OR8B2: variants seen among roughly 807,000 people sequenced by gnomAD.
OR8B2 encodes olfactory receptor family 8 subfamily B member 2.
For synonymous variants in OR8B2, 98 were observed against 138.2 expected (o/e 0.71, Z 2.04); for missense variants, 304 against 379.6 (o/e 0.80, Z 1.65).
In OR8B2 at chr11:124,383,037, A is replaced by G. The variant is rs745308919; in HGVS notation, c.307T>C (p.Phe103Leu). The change falls in exon 2 of 2, where the codon TTC (phenylalanine) becomes CTC (leucine). Residue 103 changes from phenylalanine (F) to leucine (L), a missense_variant. By Grantham distance (22) the Phe-to-Leu change is conservative. Coordinates refer to ENST00000641451, the MANE Select transcript of OR8B2 (RefSeq NM_001005468.2). ...TCAGAGATGACGAAAAAGAGAAAGA[A>G]AAACAGCCGAGTCATGCACCCAACA... is the stretch of plus-strand genomic sequence containing the variant. The part of the protein sequence containing the change: ...SNVGCMTRLF[F>L]FLFFVISECY... 2 of 1,613,920 alleles carry G rather than the reference A, an allele frequency of 1.2e-6. No homozygotes were observed. Among genetic ancestry groups the G allele is most frequent in the Admixed American group, 3.3e-5 (2 of 59,942 alleles).
At chr11:124,387,993 TC>T (rs1212803415), upstream of OR8B2, among the ~76,000 whole-genome samples, 2 of 148,548 alleles carry the variant, frequency 1.3e-5, no homozygotes, top group Non-Finnish European at 3.0e-5. Flanking sequence ...TAAGGTGGAT[TC>T]CTAGGTATTT....
the OR8B2 span, chr11:124,396,881 C>G: frequency 6.2e-7 from 1 of 1,605,782 alleles, no homozygotes; most frequent in South Asian, 1.1e-5. Flanking sequence ...CGGTGTGGGC[C>G]GTGGCTCCAG....
At chr11:124,395,372 A>AT in the OR8B2 span, among the ~76,000 whole-genome samples, 1 of 152,238 alleles carries the variant, frequency 6.6e-6, no homozygotes, top group African/African-American at 2.4e-5. Flanking sequence ...CAGGAAAAGA[A>AT]TTCGACAAAA....
At chr11:124,390,384 C>T in the OR8B2 span, among the ~76,000 whole-genome samples, 1 of 152,094 alleles carries the variant, frequency 6.6e-6, no homozygotes, top group Non-Finnish European at 1.5e-5. Flanking sequence ...TTTTGGCTTC[C>T]CTAGGCCACA....
At chr11:124,391,588 A>G in the OR8B2 span, among the ~76,000 whole-genome samples, 1 of 152,206 alleles carries the variant, frequency 6.6e-6, no homozygotes, top group Non-Finnish European at 1.5e-5. Flanking sequence ...CTCTGAATAG[A>G]CCAATAACAG....
Position 124,383,136 on chromosome 11 carries a change from C to G in OR8B2, c.208G>C (p.Asp70His). Reference sequence around the variant, plus strand: ...GTGAAAACAGAGGAGTAACAGAGATCAATGAAGGAGAGATTGAAGAGGAAA... The same window carrying G: ...GTGAAAACAGAGGAGTAACAGAGATGAATGAAGGAGAGATTGAAGAGGAAA... ...YYFLFNLSFI[D>H]LCYSSVFTPK... The change falls in exon 2 of 2, where the codon GAT becomes CAT. Residue 70 changes from aspartate (D) to histidine (H), a missense_variant. Coordinates refer to ENST00000641451, the MANE Select transcript of OR8B2 (RefSeq NM_001005468.2). 6.2e-7 allele frequency: 1 copy of G among 1,613,792 alleles called. No homozygotes were observed. Among genetic ancestry groups the G allele is most frequent in the South Asian group, 1.1e-5 (1 of 91,064 alleles).
rs1245517904 is a variant in OR8B2, at chr11:124,382,780, G to A, written c.564C>T (p.Ser188=). ...LCDILPLLQL[S]CTSTYVNEVV... ...CCTCGTTGACATAGGTGCTGGTGCA[G>A]GAAAGCTGGAGGAGGGGGAGTATGT... is the stretch of plus-strand genomic sequence containing the variant. The change falls in exon 2 of 2, where the codon TCC becomes TCT. Residue 188 remains serine, a synonymous_variant. Coordinates refer to ENST00000641451, the MANE Select transcript of OR8B2 (RefSeq NM_001005468.2). 2 of 1,612,668 alleles carry A rather than the reference G, an allele frequency of 1.2e-6. No individual in the cohort carries two copies. The highest frequency in any genetic ancestry group is 8.5e-7 in the Non-Finnish European group (1 of 1,178,908).
At chr11:124,383,475 T>G (rs1860644169) in intron 1 of OR8B2, 115 bp from the exon 2 acceptor site, 1 of 939,318 alleles carries the variant, frequency 1.1e-6, no homozygotes, top group African/African-American at 1.6e-5. Flanking sequence ...TTTCATGGGA[T>G]CTGAATGTAC....
the OR8B2 span, among the ~76,000 whole-genome samples, chr11:124,391,685 A>G: frequency 5.9e-5 from 9 of 152,150 alleles, no homozygotes; most frequent in African/African-American, 1.7e-4. Context: ...CCAGAGGTAC[A>G]AGGAGGAACT....
upstream of OR8B2, among the ~76,000 whole-genome samples, chr11:124,385,462 C>A (rs1260418178): frequency 2.0e-5 from 3 of 151,172 alleles, no homozygotes; most frequent in African/African-American, 7.3e-5. Flanking sequence ...GTTAAAGAAA[C>A]TACAGACCTT....
upstream of OR8B2, among the ~76,000 whole-genome samples, chr11:124,386,784 G>C (rs1156956096): frequency 1.3e-5 from 2 of 152,110 alleles, no homozygotes; most frequent in Admixed American, 1.3e-4. Flanking sequence ...GTAATGGGAT[G>C]GCTAGGTCAG....
At chr11:124,389,378 G>T (rs1055115673), upstream of OR8B2, among the ~76,000 whole-genome samples, 1 of 152,078 alleles carries the variant, frequency 6.6e-6, no homozygotes, top group Non-Finnish European at 1.5e-5. Flanking sequence ...AGTACATTGG[G>T]GTTCTTTCCA....
At chr11:124,388,036 T>C (rs1860728718), upstream of OR8B2, among the ~76,000 whole-genome samples, 1 of 152,016 alleles carries the variant, frequency 6.6e-6, no homozygotes, top group African/African-American at 2.4e-5. Context: ...GAATGGGAGT[T>C]CACTCATGAT....
chr11:124,395,404 C>T, the OR8B2 span: 1 of 152,082 alleles, frequency 6.6e-6, no homozygotes, highest in African/African-American at 2.4e-5. Context: ...TGAGAAATAA[C>T]CTTTATATAA....
Position 124,383,172 on chromosome 11 carries a change from G to A in OR8B2, c.172C>T (p.Pro58Ser), listed in dbSNP as rs754523383. 9 of 1,613,962 alleles carry A rather than the reference G, an allele frequency of 5.6e-6. No individual in the cohort carries two copies. The highest frequency in any genetic ancestry group is 7.6e-6 in the Non-Finnish European group (9 of 1,179,854). Residue 58 changes from proline (P) to serine (S), a missense_variant, in exon 2 of 2, where the codon CCA becomes TCA. Coordinates refer to ENST00000641451, the MANE Select transcript of OR8B2 (RefSeq NM_001005468.2). ...LFGLNSHLHT[P>S]MYYFLFNLSF... ...AGATTGAAGAGGAAATAGTACATTG[G>A]TGTGTGGAGGTGAGAATTTAGACCG...
chr11:124,393,926 T>C, the OR8B2 span, among the ~76,000 whole-genome samples: 5 of 150,858 alleles, frequency 3.3e-5, no homozygotes, highest in African/African-American at 1.2e-4. Flanking sequence ...TATGCAGCCA[T>C]AAAAAATGAT....
At chr11:124,383,449 T>C (rs1371631144) in intron 1 of OR8B2, 89 bp from the exon 2 acceptor site, 2 of 1,182,368 alleles carry the variant, frequency 1.7e-6, no homozygotes, top group African/African-American at 1.5e-5. Flanking sequence ...CTGTAGGAAT[T>C]TGGGTGAGTT....
chr11:124,382,972 C>G lies in OR8B2; in HGVS notation c.372G>C (p.Val124=). ...TATACAGCAATGGATTACAGATGGC[C>G]ACATAGCGATCATATGCCATTGAAG... ...MLTSMAYDRY[V]AICNPLLYKV... Residue 124 remains valine (V), a synonymous_variant, in exon 2 of 2, where the codon GTG becomes GTC. Coordinates refer to ENST00000641451, the MANE Select transcript of OR8B2 (RefSeq NM_001005468.2). The G allele has an allele frequency of 1.2e-6, 2 of 1,611,556 alleles. No homozygotes were observed. The highest frequency in any genetic ancestry group is 8.5e-7 in the Non-Finnish European group (1 of 1,178,144).
At chr11:124,387,691 G>T (rs532895125), upstream of OR8B2, among the ~76,000 whole-genome samples, 1 of 145,284 alleles carries the variant, frequency 6.9e-6, no homozygotes, top group Non-Finnish European at 1.5e-5. Flanking sequence ...GTCAGGTAGC[G>T]TGATGCCTCC....
Sources: allele counts gnomAD v4.1 joint callset (sites outside exome capture counted in the v4.1 genomes callset), GRCh38; gene constraint gnomAD v4.1.1; transcripts MANE v1.5; gene names NCBI Gene and HGNC (gene_info 2026-07-23, HGNC 2026-07-21).